The following CSMD1 variants were observed in gnomAD, a reference collection of about 807,000 sequenced individuals.
The protein encoded by CSMD1 is CUB and Sushi multiple domains 1, also known as CUB and sushi domain-containing protein 1.
Under a neutral mutation model 417.5 loss-of-function variants are expected in CSMD1, and 213 were observed. The ratio of observed to expected loss-of-function variants is 0.51; its 90% CI spans 0.46 to 0.57. The LOEUF is 0.57. Ranked by LOEUF, CSMD1 falls within the 20% of genes least tolerant of loss-of-function variation. The probability of loss-of-function intolerance (pLI) is 0.00; values close to 1 mark genes in which losing one functional copy is unlikely to be tolerated. For missense variants in CSMD1, 6,923 were observed against 4,529.7 expected, an observed-to-expected ratio of 1.53 and a Z score of -15.17; for synonymous variants, 2,862 against 1,736.8, an observed-to-expected ratio of 1.65 and a Z score of -16.11.
intron 1 of CSMD1, among the ~76,000 whole-genome samples, chr8:4,990,047 T>C (rs1584958056): frequency 6.6e-6 from 1 of 152,298 alleles, no homozygotes; most frequent in East Asian, 1.9e-4. Flanking sequence ...CCATTCTCTC[T>C]CTTCCCGAGG....
At chr8:2,978,821 C>T in intron 54 of CSMD1, 21 bp from the exon 55 acceptor site, 1 of 1,571,734 alleles carries the variant, frequency 6.4e-7, no homozygotes, top group Middle Eastern at 1.7e-4. Flanking sequence ...AAACATTTCA[C>T]ACACCATTTA....
chr8:4,705,194 C>A (rs916626049), intron 1 of CSMD1, among the ~76,000 whole-genome samples: 1 of 152,144 alleles, frequency 6.6e-6, no homozygotes, highest in African/African-American at 2.4e-5. Context: ...GGCCTTCCCA[C>A]CCATGAAGAA....
intron 2 of CSMD1, among the ~76,000 whole-genome samples, chr8:4,524,094 G>C (rs1326025470): frequency 1.3e-5 from 2 of 151,986 alleles, no homozygotes; most frequent in African/African-American, 4.8e-5. Flanking sequence ...CTCTGGAATA[G>C]TCCCAAGAAA....
chr8:4,329,849 T>TACACACAC lies in CSMD1; in HGVS notation c.415+90096_415+90103dup, dbSNP rs3067537. On this transcript the variant is annotated intron_variant, in intron 3 of 69. Transcript: ENST00000635120. ...AAAAAGTGTGTGGCACCACCCTGCTTACACACACACACACACACACACACA... is the reference window on the plus strand; with the variant it reads ...AAAAAGTGTGTGGCACCACCCTGCTTACACACACACACACACACACACACACACACACA... 2.6e-3 allele frequency among the ~76,000 whole-genome samples: 392 copies of TACACACAC among 150,286 alleles called. 2 individuals are homozygous for TACACACAC. The highest frequency in any genetic ancestry group is 3.4e-3 in the Middle Eastern group (1 of 290).
intron 10 of CSMD1, chr8:3,515,417 C>T (rs1227628633): frequency 6.6e-6 from 1 of 152,180 alleles, no homozygotes; most frequent in African/African-American, 2.4e-5. Flanking sequence ...GAAGTTTAGA[C>T]ACTTGGTGAC....
At chr8:4,905,819 C>CAAAAAAAAAA (rs147276107) in intron 1 of CSMD1, among the ~76,000 whole-genome samples, 1 of 94,336 alleles carries the variant, frequency 1.1e-5, no homozygotes, top group Non-Finnish European at 2.1e-5. Flanking sequence ...GACTCCATCT[C>CAAAAAAAAAA]AAAAAAAAAA....
At chr8:4,283,047 C>G (rs1010877971) in intron 3 of CSMD1, among the ~76,000 whole-genome samples, 9 of 152,152 alleles carry the variant, frequency 5.9e-5, no homozygotes, top group African/African-American at 1.7e-4. Flanking sequence ...AAAAAAATGC[C>G]TGATAGTTAG....
At position 4,268,938 on chromosome 8, in the gene CSMD1, T is replaced by C. The variant is rs1018015646; in HGVS notation, c.415+151015A>G. Among the ~76,000 whole-genome samples, 4 of 152,352 alleles carry C rather than the reference T, an allele frequency of 2.6e-5. No homozygotes were observed. The East Asian group carries it at 7.7e-4, about 29-fold the overall frequency. ...TGCTTGCTATTTGGAGAATTACAAT[T>C]ACTTTCTCATTCTGCTGTATCCTTT... On this transcript the variant is annotated intron_variant, in intron 3 of 69. Transcript: ENST00000635120.
Position 3,958,290 on chromosome 8 carries a change from G to A in CSMD1, c.818+39613C>T, listed in dbSNP as rs190849213. On this transcript the variant is annotated intron_variant, in intron 5 of 69. Coordinates refer to ENST00000635120, the MANE Select transcript of CSMD1 (RefSeq NM_033225.6). ...CAATGTGGTTTTTTGTGGGGATGTG[G>A]AAAAAAAGTTTCATTTTTTTAAACT... 3.4e-5 allele frequency among the ~76,000 whole-genome samples: 5 copies of A among 147,558 alleles called. No homozygotes were observed. In the South Asian group the frequency reaches 1.1e-3, roughly 32 times the overall value.
At chr8:3,919,177 T>A (rs1809042716) in intron 5 of CSMD1, among the ~76,000 whole-genome samples, 1 of 111,322 alleles carries the variant, frequency 9.0e-6, no homozygotes. Context: ...ACTTTTCGTG[T>A]CATATCCAAA....
At chr8:3,432,133 A>G (rs1391813515) in intron 12 of CSMD1, among the ~76,000 whole-genome samples, 2 of 152,344 alleles carry the variant, frequency 1.3e-5, no homozygotes, top group East Asian at 3.9e-4. Context: ...TACCAGAAAG[A>G]TGACTCAGTA....
intron 21 of CSMD1, among the ~76,000 whole-genome samples, chr8:3,351,900 A>G (rs1444668242): frequency 1.3e-5 from 2 of 152,032 alleles, no homozygotes; most frequent in Non-Finnish European, 2.9e-5. Flanking sequence ...AATTTAAATT[A>G]TGACTTTTAC....
At chr8:4,655,937 C>T (rs974856718) in intron 1 of CSMD1, among the ~76,000 whole-genome samples, 1 of 152,108 alleles carries the variant, frequency 6.6e-6, no homozygotes, top group Non-Finnish European at 1.5e-5. Context: ...TCAGAGAAGA[C>T]ACAGATCTGT....
chr8:4,780,239 C>A (rs1311950067), intron 1 of CSMD1, among the ~76,000 whole-genome samples: 1 of 152,220 alleles, frequency 6.6e-6, no homozygotes, highest in African/African-American at 2.4e-5. Context: ...TTATTTATGA[C>A]TGCCCTGAAG....
At chr8:4,101,175 C>A (rs1050655455) in intron 3 of CSMD1, among the ~76,000 whole-genome samples, 2 of 152,214 alleles carry the variant, frequency 1.3e-5, no homozygotes, top group African/African-American at 2.4e-5. Flanking sequence ...ATGAGTCCAT[C>A]TGAATACATC....
chr8:2,981,862 T>C lies in CSMD1; in HGVS notation c.8378-3062A>G, dbSNP rs1345664641. Among the ~76,000 whole-genome samples, 18 of 152,302 alleles carry C rather than the reference T, an allele frequency of 1.2e-4. No individual in the cohort carries two copies. The East Asian group carries it at 2.5e-3, about 21-fold the overall frequency. On this transcript the variant is annotated intron_variant, in intron 54 of 69. Coordinates refer to ENST00000635120, the MANE Select transcript of CSMD1 (RefSeq NM_033225.6). ...AGGACTCCTGAACACATGTCTGGTA[T>C]AGCATAATAATAAAAGGCATCAGCA...
At chr8:3,064,106 C>G (rs1223953885) in intron 49 of CSMD1, among the ~76,000 whole-genome samples, 1 of 152,224 alleles carries the variant, frequency 6.6e-6, no homozygotes, top group African/African-American at 2.4e-5. Context: ...GCAGCAAGCA[C>G]AGCTCAAGCT....
chr8:4,326,228 A>T (rs953144816), intron 3 of CSMD1, among the ~76,000 whole-genome samples: 2 of 152,046 alleles, frequency 1.3e-5, no homozygotes, highest in African/African-American at 4.8e-5. Context: ...TGCTTTGAAA[A>T]CCATTGGTCT....
At position 4,790,157 on chromosome 8, in the gene CSMD1, T is replaced by C. The variant is rs76105592; in HGVS notation, c.86-152599A>G. ...CCTTTGGACAAACAAGACAAATACA[T>C]ACAGTTCAACATAATAAGAATATTG... On this transcript the variant is annotated intron_variant, in intron 1 of 69. Coordinates refer to ENST00000635120, the MANE Select transcript of CSMD1 (RefSeq NM_033225.6). Among the ~76,000 whole-genome samples, 7 of 152,194 alleles carry C rather than the reference T, an allele frequency of 4.6e-5. No homozygotes were observed. In the East Asian group the frequency reaches 7.7e-4, roughly 17 times the overall value.
Sources: allele counts gnomAD v4.1 joint callset (sites outside exome capture counted in the v4.1 genomes callset), GRCh38; gene constraint gnomAD v4.1.1; transcripts MANE v1.5; gene names NCBI Gene and HGNC (gene_info 2026-07-23, HGNC 2026-07-21).